The following PHF20 variants were observed in gnomAD, a reference collection of about 807,000 sequenced individuals.
PHF20 encodes PHD finger protein 20, also known as glioma-expressed antigen 2.
Under a neutral mutation model 113.5 loss-of-function variants are expected in PHF20, and 23 were observed. The observed-to-expected ratio is 0.20, with a 90% CI of 0.15 to 0.29. The LOEUF (loss-of-function observed/expected upper bound fraction) is 0.29. Among genes scored for constraint, PHF20 ranks in the 10% least tolerant of loss-of-function variants. The pLI, the probability that PHF20 is intolerant of heterozygous loss-of-function variation, is 1.00. For synonymous variants in PHF20, 434 were observed against 457.3 expected (o/e 0.95, Z 0.65); for missense variants, 943 against 1,219.6 (o/e 0.77, Z 3.38).
chr20:35,940,076 C>A (rs2055947416), intron 16 of PHF20, among the ~76,000 whole-genome samples: 1 of 152,188 alleles, frequency 6.6e-6, no homozygotes, highest in Non-Finnish European at 1.5e-5. Flanking sequence ...CCAGTGAAGC[C>A]CCCTCAGTTA....
intron 2 of PHF20, among the ~76,000 whole-genome samples, chr20:35,840,583 A>G (rs1245661865): frequency 1.3e-5 from 2 of 152,192 alleles, no homozygotes; most frequent in Non-Finnish European, 2.9e-5. Flanking sequence ...TGGCACTGCC[A>G]TCTGCACCAC....
chr20:35,894,329 T>C (rs997253863), intron 9 of PHF20, among the ~76,000 whole-genome samples: 1 of 152,260 alleles, frequency 6.6e-6, no homozygotes, highest in Non-Finnish European at 1.5e-5. Flanking sequence ...GTTGATCACC[T>C]ACTTTGTGCC....
Position 35,863,051 on chromosome 20 carries a change from C to G in PHF20, c.459C>G (p.His153Gln), listed in dbSNP as rs1481591229. The G allele has an allele frequency of 1.9e-6, 3 of 1,597,340 alleles. No individual in the cohort carries two copies. Among genetic ancestry groups the G allele is most frequent in the Admixed American group, 3.7e-5 (2 of 54,756 alleles). ...VGNARPKETDHKSLSSSPDKR... is the reference protein window; with the variant it reads ...VGNARPKETDQKSLSSSPDKR... Reference sequence around the variant, plus strand: ...ATGCTAGGCCTAAAGAAACAGATCACAAAAGTCTTTCATCATCTCCTGATA... The same window carrying G: ...ATGCTAGGCCTAAAGAAACAGATCAGAAAAGTCTTTCATCATCTCCTGATA... Residue 153 changes from histidine to glutamine, a missense_variant, in exon 6 of 18, where the codon CAC becomes CAG. His to Gln is a conservative substitution (Grantham distance 24). Transcript: ENST00000374012.
Position 35,871,060 on chromosome 20 carries a change from A to C in PHF20, c.1028A>C (p.Asp343Ala). ...GGGACCCATGAGATCCTAGATCCTG[A>C]CTTGGTTGTATCAGATTTGGTTGAT... Reference protein sequence around the residue: ...TNGTHEILDPDLVVSDLVDTD... With the variant: ...TNGTHEILDPALVVSDLVDTD... Residue 343 changes from aspartate to alanine, a missense_variant, in exon 8 of 18, where the codon GAC (aspartate) becomes GCC (alanine). Transcript: ENST00000374012. 1.9e-6 allele frequency: 3 copies of C among 1,613,438 alleles called. No individual in the cohort carries two copies. Among genetic ancestry groups the C allele is most frequent in the Non-Finnish European group, 2.5e-6 (3 of 1,179,832 alleles).
intron 1 of PHF20, among the ~76,000 whole-genome samples, chr20:35,794,876 T>TACA (rs111296208): frequency 0.048 from 7,267 of 152,214 alleles, 210 homozygotes; most frequent in African/African-American, 0.088. Flanking sequence ...TCTTTGTCAG[T>TACA]ACATTAACTG....
At chr20:35,817,834 G>A (rs1217523581) in intron 2 of PHF20, among the ~76,000 whole-genome samples, 2 of 151,880 alleles carry the variant, frequency 1.3e-5, no homozygotes, top group African/African-American at 2.4e-5. Flanking sequence ...TTGGCCAGGT[G>A]TTGTGGCTTA....
At chr20:35,773,101 A>G (rs1280471858) in intron 1 of PHF20, among the ~76,000 whole-genome samples, 1 of 152,162 alleles carries the variant, frequency 6.6e-6, no homozygotes, top group Non-Finnish European at 1.5e-5. Flanking sequence ...TTCCTGAAGG[A>G]GACTCATTTT....
At chr20:35,937,558 C>T (rs2055889097) in intron 15 of PHF20, among the ~76,000 whole-genome samples, 1 of 151,826 alleles carries the variant, frequency 6.6e-6, no homozygotes, top group Admixed American at 6.6e-5. Flanking sequence ...GATGAAGCCT[C>T]CAGGTAGCAG....
In PHF20 at chr20:35,917,609, G is replaced by A. The variant is rs755833178; in HGVS notation, c.1951G>A (p.Glu651Lys). 10 of 1,613,974 alleles carry A rather than the reference G, an allele frequency of 6.2e-6. No homozygotes were observed. Among genetic ancestry groups the A allele is most frequent in the Non-Finnish European group, 8.5e-6 (10 of 1,180,034 alleles). Residue 651 changes from glutamate to lysine, a missense_variant, in exon 13 of 18, where the codon GAG (glutamate) becomes AAG (lysine). Glu to Lys is a moderately conservative substitution (Grantham distance 56, BLOSUM62 1). This residue lies in a region of PHF20 where 592 missense variants were observed against 787.2 expected (regional missense o/e 0.75). Transcript: ENST00000374012. ...ELDGDDRYDF[E>K]VVRCICEVQE... ...TGATGGGGATGACCGCTATGACTTC[G>A]AGGTGGTCCGCTGCATCTGTGAGGT...
chr20:35,910,691 C>T (rs984329618), intron 10 of PHF20, among the ~76,000 whole-genome samples: 3 of 151,048 alleles, frequency 2.0e-5, no homozygotes, highest in East Asian at 2.0e-4. Flanking sequence ...TGAAGTGGCA[C>T]GATCTCAACT....
Position 35,899,561 on chromosome 20 carries a change from A to C in PHF20, c.1474A>C (p.Arg492=). The C allele has an allele frequency of 6.2e-7, 1 of 1,614,102 alleles. No individual in the cohort carries two copies. The highest frequency in any genetic ancestry group is 1.3e-5 in the African/African-American group (1 of 75,044). ...GGAGCCAGAAGAGAGCCCGGGAAAG[A>C]GGCATGTCCAAACCAGGGGCCCTTC... The part of the protein sequence containing the change: ...SLEPEESPGK[R]HVQTRGPSAS... The change falls in exon 10 of 18, where the codon AGG becomes CGG. Residue 492 remains arginine (R), a synonymous_variant. Coordinates refer to ENST00000374012, the MANE Select transcript of PHF20 (RefSeq NM_016436.5).
At chr20:35,795,344 T>C (rs548076096) in intron 1 of PHF20, among the ~76,000 whole-genome samples, 2 of 152,124 alleles carry the variant, frequency 1.3e-5, no homozygotes, top group African/African-American at 4.8e-5. Context: ...AAGCAATTCT[T>C]CTGCCTCACC....
At chr20:35,850,992 C>T (rs1009497900) in intron 4 of PHF20, 8 of 426,376 alleles carry the variant, frequency 1.9e-5, no homozygotes, top group Non-Finnish European at 2.7e-5. Flanking sequence ...CAGAGTTTCA[C>T]TGTATTGGCC....
chr20:35,791,398 G>A (rs2041543876), intron 1 of PHF20, among the ~76,000 whole-genome samples: 1 of 150,410 alleles, frequency 6.6e-6, no homozygotes. Flanking sequence ...ACACTAAATG[G>A]GCTGATATAG....
intron 1 of PHF20, among the ~76,000 whole-genome samples, chr20:35,774,075 C>CT (rs1569110134): frequency 6.6e-6 from 1 of 150,730 alleles, no homozygotes; most frequent in East Asian, 1.9e-4. Flanking sequence ...CAATCATCCT[C>CT]TTGTCAATCT....
At chr20:35,818,398 C>T (rs575011204) in intron 2 of PHF20, among the ~76,000 whole-genome samples, 11 of 152,104 alleles carry the variant, frequency 7.2e-5, no homozygotes, top group Non-Finnish European at 1.6e-4. Flanking sequence ...GTAGCTGGGA[C>T]TACAGGCATG....
chr20:35,949,009 A>C lies in PHF20; in HGVS notation c.*1382A>C, dbSNP rs574634553. On this transcript the variant is annotated 3_prime_UTR_variant, in exon 18 of 18. Transcript: ENST00000374012. Reference sequence around the variant, plus strand: ...TTAGCGACCTTTGGAATAGTTAAGCACAGGTCATTGTGGACATGAATTCAG... The same window carrying C: ...TTAGCGACCTTTGGAATAGTTAAGCCCAGGTCATTGTGGACATGAATTCAG... 6.5e-6 allele frequency: 1 copy of C among 152,784 alleles called. No individual in the cohort carries two copies. The highest frequency in any genetic ancestry group is 1.9e-4 in the East Asian group (1 of 5,196). 9.5% of individuals were successfully genotyped at this position (152,784 alleles called of 1,614,324 possible).
chr20:35,809,195 A>G (rs2146879587), intron 2 of PHF20, among the ~76,000 whole-genome samples: 1 of 151,960 alleles, frequency 6.6e-6, no homozygotes, highest in South Asian at 2.1e-4. Flanking sequence ...CAGTGAGCCA[A>G]CATCACGACG....
At chr20:35,902,766 T>C (rs1316414872) in intron 10 of PHF20, among the ~76,000 whole-genome samples, 7 of 152,202 alleles carry the variant, frequency 4.6e-5, no homozygotes, top group African/African-American at 1.7e-4. Context: ...ATCTGTGAAA[T>C]AGAGATAATA....
Sources: allele counts gnomAD v4.1 joint callset (sites outside exome capture counted in the v4.1 genomes callset), GRCh38; gene constraint gnomAD v4.1.1; regional missense constraint gnomAD v4.1.1; transcripts MANE v1.5; gene names NCBI Gene and HGNC (gene_info 2026-07-23, HGNC 2026-07-21).